Variants in AGAP1 observed in about 807,000 individuals in gnomAD.
AGAP1 encodes ArfGAP with GTPase domain, ankyrin repeat and PH domain 1, also known as arf-GAP with GTPase, ANK repeat and PH domain-containing protein 1.
Under a neutral mutation model 105.3 loss-of-function variants are expected in AGAP1, and 29 were observed. The observed-to-expected ratio is 0.28, with a 90% CI of 0.21 to 0.38. AGAP1 has a LOEUF of 0.38. AGAP1 is among the 10% of genes least tolerant of loss of function. AGAP1 has a pLI of 1.00. For missense variants in AGAP1, 998 were observed against 1,165.1 expected (o/e 0.86, Z 2.09); for synonymous variants, 509 against 485.9 (o/e 1.05, Z -0.63).
chr2:235,576,277 G>A (rs1865949), intron 1 of AGAP1, among the ~76,000 whole-genome samples: 151,769 of 152,338 alleles, frequency 1, 75,602 homozygotes, highest in Middle Eastern at 1. Flanking sequence ...CACCATATTC[G>A]TTTTACTCTC....
At chr2:235,870,182 C>G (rs1274229573) in intron 9 of AGAP1, among the ~76,000 whole-genome samples, 1 of 152,162 alleles carries the variant, frequency 6.6e-6, no homozygotes, top group Non-Finnish European at 1.5e-5. Context: ...TGGCATCCAG[C>G]CCAGGCTTGA....
chr2:235,987,249 A>G (rs977570789), intron 13 of AGAP1, among the ~76,000 whole-genome samples: 1 of 151,886 alleles, frequency 6.6e-6, no homozygotes, highest in Non-Finnish European at 1.5e-5. Context: ...GTGTCTAGAA[A>G]TTTATCCATT....
intron 1 of AGAP1, among the ~76,000 whole-genome samples, chr2:235,683,450 TTATAAA>T (rs1371134430): frequency 6.6e-6 from 1 of 151,106 alleles, no homozygotes; most frequent in Non-Finnish European, 1.5e-5. Flanking sequence ...TTTGTATAAT[TTATAAA>T]TATTATACAA....
chr2:235,600,312 C>G lies in AGAP1; in HGVS notation c.163+105463C>G, dbSNP rs1945685967. ...GCTCCTAAGGGAGGTGCTGGCACTACCTTTTCAGCCTGCATGGACTGTGCT... is the reference window on the plus strand; with the variant it reads ...GCTCCTAAGGGAGGTGCTGGCACTAGCTTTTCAGCCTGCATGGACTGTGCT... On this transcript the variant is annotated intron_variant, in intron 1 of 17. Coordinates refer to ENST00000304032, the MANE Select transcript of AGAP1 (RefSeq NM_001037131.3). This position sits in a 1 kb window ranked among gnomAD's most constrained non-coding sequence, Gnocchi z 4.8. Among the ~76,000 whole-genome samples, 1 of 152,100 alleles carries G rather than the reference C, an allele frequency of 6.6e-6. No homozygotes were observed. The highest frequency in any genetic ancestry group is 6.5e-5 in the Admixed American group (1 of 15,268).
At position 235,965,705 on chromosome 2, in the gene AGAP1, G is replaced by C. The variant is rs2125330803; in HGVS notation, c.1484-2757G>C. 6.6e-6 allele frequency among the ~76,000 whole-genome samples: 1 copy of C among 152,270 alleles called. No homozygotes were observed. Among genetic ancestry groups the C allele is most frequent in the Non-Finnish European group, 1.5e-5 (1 of 68,008 alleles). Reference sequence around the variant, plus strand: ...GTAGAGCCTGGAATAGCCCCTGTTGGGTAGTAACTTTGGATGAGTGTTTGC... The same window carrying C: ...GTAGAGCCTGGAATAGCCCCTGTTGCGTAGTAACTTTGGATGAGTGTTTGC... On this transcript the variant is annotated intron_variant, in intron 12 of 17. Coordinates refer to ENST00000304032, the MANE Select transcript of AGAP1 (RefSeq NM_001037131.3). This position sits in a 1 kb window ranked among gnomAD's most constrained non-coding sequence, Gnocchi z 5.8.
At chr2:235,735,425 C>T (rs72975243) in intron 3 of AGAP1, among the ~76,000 whole-genome samples, 4,936 of 152,140 alleles carry the variant, frequency 0.032, 127 homozygotes, top group Non-Finnish European at 0.049. Context: ...CAAGAGGCTC[C>T]GCTGTAGCTC....
intron 1 of AGAP1, among the ~76,000 whole-genome samples, chr2:235,595,692 C>T (rs547619882): frequency 6.6e-6 from 1 of 152,270 alleles, no homozygotes; most frequent in South Asian, 2.1e-4. Context: ...CTAAAGCGTG[C>T]TCACTAATAA....
rs540177220 is a variant in AGAP1, at chr2:235,739,351, T to C, written c.311-1612T>C. ...GCTCTGCTAGAAAAGCATTTCTTTT[T>C]TGCCTACGAGGACTCTCGATTCAGG... On this transcript the variant is annotated intron_variant, in intron 3 of 17. Transcript: ENST00000304032. This position sits in a 1 kb window ranked among gnomAD's most constrained non-coding sequence, Gnocchi z 5.3. 6.6e-6 allele frequency among the ~76,000 whole-genome samples: 1 copy of C among 152,326 alleles called. No homozygotes were observed. Among genetic ancestry groups the C allele is most frequent in the Non-Finnish European group, 1.5e-5 (1 of 68,026 alleles).
At chr2:235,832,656 G>A (rs566075322) in intron 9 of AGAP1, among the ~76,000 whole-genome samples, 123 of 152,330 alleles carry the variant, frequency 8.1e-4, no homozygotes, top group Non-Finnish European at 1.4e-3. Context: ...TCCCCATCCT[G>A]TGTCAGTGCT....
rs142072579 is a variant in AGAP1 at position 236,073,542 on chromosome 2, G to A, written c.2114+24261G>A. On this transcript the variant is annotated intron_variant, in intron 16 of 17. Transcript: ENST00000304032. This position sits in a 1 kb window ranked among gnomAD's most constrained non-coding sequence, Gnocchi z 5.4. ...TTGGATTATACCATCTTGGTGTTGCGCCAGTCAGGAGTAATTGTTGTAAGT... is the reference window on the plus strand; with the variant it reads ...TTGGATTATACCATCTTGGTGTTGCACCAGTCAGGAGTAATTGTTGTAAGT... Among the ~76,000 whole-genome samples the A allele has an allele frequency of 2.0e-3, 298 of 152,236 alleles. 1 individual carries two copies. The highest frequency in any genetic ancestry group is 6.9e-3 in the African/African-American group (285 of 41,548).
chr2:236,112,510 C>G (rs1259163861), intron 16 of AGAP1, among the ~76,000 whole-genome samples: 1 of 152,206 alleles, frequency 6.6e-6, no homozygotes, highest in Non-Finnish European at 1.5e-5. Context: ...CTCTCCATCC[C>G]CCGTTCCCTC....
intron 1 of AGAP1, among the ~76,000 whole-genome samples, chr2:235,541,086 A>G (rs1418097633): frequency 1.3e-5 from 2 of 152,222 alleles, no homozygotes; most frequent in Non-Finnish European, 2.9e-5. Flanking sequence ...GAAATTTTCT[A>G]TCCTTATATA....
chr2:235,946,067 A>G (rs1559680230), intron 12 of AGAP1, among the ~76,000 whole-genome samples: 1 of 151,774 alleles, frequency 6.6e-6, no homozygotes, highest in Non-Finnish European at 1.5e-5. Flanking sequence ...ACACAGATCC[A>G]GGCGGAGACA....
intron 1 of AGAP1, among the ~76,000 whole-genome samples, chr2:235,516,465 A>G (rs1387841249): frequency 1.3e-5 from 2 of 152,156 alleles, no homozygotes; most frequent in African/African-American, 4.8e-5. Flanking sequence ...AGTCTGGTGC[A>G]GCTTCTTTCT....
Position 235,883,580 on chromosome 2 carries a change from A to G in AGAP1, c.1155+131A>G, listed in dbSNP as rs942957383. On this transcript the variant is annotated intron_variant, in intron 10 of 17. Coordinates refer to ENST00000304032, the MANE Select transcript of AGAP1 (RefSeq NM_001037131.3). This position sits in a 1 kb window ranked among gnomAD's most constrained non-coding sequence, Gnocchi z 4.5. ...AAAGTCGTATTTGGTCTCCTGCTCA[A>G]CTGTGAGATAAATAACCCTGTTCCT... The G allele has an allele frequency of 3.8e-5, 26 of 675,662 alleles. No individual in the cohort carries two copies. The African/African-American group carries it at 4.5e-4, about 12-fold the overall frequency. The allele number at this position is 675,662 out of a possible 1,614,324, so 41.9% of individuals were successfully genotyped here.
rs373770924 is a variant in AGAP1 at position 235,771,223 on chromosome 2, A to G, written c.673+20735A>G. 1.1e-3 allele frequency among the ~76,000 whole-genome samples: 166 copies of G among 152,298 alleles called. 3 individuals carry two copies. The highest frequency in any genetic ancestry group is 6.8e-3 in the Middle Eastern group (2 of 294). ...AAGTTTCTGTTGGGCCACTGGGTTCATGGGAACTTGTTAGAGCAGCTGCAG... is the reference window on the plus strand; with the variant it reads ...AAGTTTCTGTTGGGCCACTGGGTTCGTGGGAACTTGTTAGAGCAGCTGCAG... On this transcript the variant is annotated intron_variant, in intron 6 of 17. Coordinates refer to ENST00000304032, the MANE Select transcript of AGAP1 (RefSeq NM_001037131.3).
intron 1 of AGAP1, among the ~76,000 whole-genome samples, chr2:235,682,120 G>C (rs1040170164): frequency 4.6e-5 from 7 of 151,986 alleles, no homozygotes; most frequent in Admixed American, 4.6e-4. Flanking sequence ...CAAAGTGCTG[G>C]GATTACAGGC....
chr2:235,541,668 C>T (rs1345163853), intron 1 of AGAP1, among the ~76,000 whole-genome samples: 4 of 152,266 alleles, frequency 2.6e-5, no homozygotes, highest in East Asian at 1.9e-4. Flanking sequence ...AGATTACAGG[C>T]GTGAGCCACC....
chr2:235,698,900 C>T (rs1326875677), intron 1 of AGAP1, among the ~76,000 whole-genome samples: 2 of 152,184 alleles, frequency 1.3e-5, no homozygotes, highest in East Asian at 3.9e-4. Flanking sequence ...ATAAATTGAA[C>T]ATGTAGTCAG....
Sources: gnomAD v4.1 joint callset for allele counts (sites outside exome capture counted in the v4.1 genomes callset) on GRCh38, gnomAD v4.1.1 for gene constraint, Gnocchi (gnomAD v3.1) non-coding constraint, MANE v1.5 for transcripts, NCBI Gene and HGNC (gene_info 2026-07-23, HGNC 2026-07-21) for gene names.